The following LMBRD1 variants were observed in gnomAD, a reference collection of about 807,000 sequenced individuals.
LMBRD1 encodes the protein LMBR1 domain containing 1, also known as lysosomal cobalamin transport escort protein LMBD1.
In LMBRD1, 64 loss-of-function variants were observed where a neutral mutation model predicts 74.8. That is an observed-to-expected ratio of 0.86 (90% CI 0.70 to 1.05). The LOEUF (loss-of-function observed/expected upper bound fraction) is 1.05. Among genes scored for constraint, LMBRD1 ranks in the 50% least tolerant of loss-of-function variants. The pLI, the probability that LMBRD1 is intolerant of heterozygous loss-of-function variation, is 0.00. For synonymous variants in LMBRD1, 204 were observed against 216.3 expected (o/e 0.94, Z 0.50); for missense variants, 652 against 645.9 (o/e 1.01, Z -0.10).
intron 3 of LMBRD1, among the ~76,000 whole-genome samples, chr6:69,752,811 T>C (rs1765189695): frequency 6.6e-6 from 1 of 152,224 alleles, no homozygotes; most frequent in Admixed American, 6.5e-5. Flanking sequence ...TTCTTTGTGA[T>C]ATAAATAATT....
intron 3 of LMBRD1, among the ~76,000 whole-genome samples, chr6:69,766,890 A>G (rs1443506662): frequency 2.0e-5 from 3 of 151,800 alleles, no homozygotes; most frequent in Admixed American, 6.6e-5. Flanking sequence ...AAATAATTCA[A>G]CTTCTATGCT....
chr6:69,769,550 T>A (rs1294386594), intron 3 of LMBRD1, among the ~76,000 whole-genome samples: 1 of 152,148 alleles, frequency 6.6e-6, no homozygotes, highest in Non-Finnish European at 1.5e-5. Flanking sequence ...TTTCTTTGCA[T>A]ATTTTATAAT....
intron 8 of LMBRD1, among the ~76,000 whole-genome samples, chr6:69,718,379 G>T (rs1440661241): frequency 6.6e-6 from 1 of 152,128 alleles, no homozygotes; most frequent in Non-Finnish European, 1.5e-5. Flanking sequence ...TTAGAACAAT[G>T]ATAGAAATTC....
At chr6:69,704,770 A>G (rs1180224275) in intron 9 of LMBRD1, among the ~76,000 whole-genome samples, 2 of 152,152 alleles carry the variant, frequency 1.3e-5, no homozygotes, top group African/African-American at 2.4e-5. Flanking sequence ...CTGCAAATGC[A>G]GAATCTGCAG....
At chr6:69,717,502 T>C (rs1232213661) in intron 8 of LMBRD1, among the ~76,000 whole-genome samples, 1 of 152,186 alleles carries the variant, frequency 6.6e-6, no homozygotes, top group Non-Finnish European at 1.5e-5. Context: ...TTTAAAAAAA[T>C]GTAACTACAA....
At chr6:69,735,761 T>C (rs1345661406) in intron 7 of LMBRD1, among the ~76,000 whole-genome samples, 1 of 152,176 alleles carries the variant, frequency 6.6e-6, no homozygotes, top group Non-Finnish European at 1.5e-5. Flanking sequence ...GCCCATGCCT[T>C]TTCCATTTAA....
chr6:69,747,946 C>T (rs1303432685), intron 5 of LMBRD1, among the ~76,000 whole-genome samples: 1 of 152,152 alleles, frequency 6.6e-6, no homozygotes, highest in Non-Finnish European at 1.5e-5. Context: ...CAAATATTTA[C>T]GTATGATAAT....
chr6:69,711,916 C>T (rs1304827604), intron 9 of LMBRD1, among the ~76,000 whole-genome samples: 2 of 151,972 alleles, frequency 1.3e-5, no homozygotes, highest in East Asian at 3.9e-4. Flanking sequence ...GGTTGTTGTA[C>T]AGATTATTTC....
intron 13 of LMBRD1, among the ~76,000 whole-genome samples, chr6:69,698,264 C>T (rs961515239): frequency 6.6e-6 from 1 of 151,688 alleles, no homozygotes; most frequent in Non-Finnish European, 1.5e-5. Context: ...TTGATAGGTT[C>T]GTTAGATTTT....
At chr6:69,706,040 A>C (rs1280488447) in intron 9 of LMBRD1, 2 of 738,862 alleles carry the variant, frequency 2.7e-6, no homozygotes, top group Non-Finnish European at 4.9e-6. Context: ...AAAGATAACT[A>C]GTGCTCATTT....
At chr6:69,780,381 C>T (rs1765804173) in intron 3 of LMBRD1, 113 bp downstream of exon 3, 2 of 786,388 alleles carry the variant, frequency 2.5e-6, no homozygotes, top group Admixed American at 1.8e-5. Flanking sequence ...GTGTCCATGT[C>T]ATTTTTTTCT....
chr6:69,749,505 T>C, intron 4 of LMBRD1, 97 bp from the exon 5 acceptor site: 2 of 899,760 alleles, frequency 2.2e-6, no homozygotes, highest in Non-Finnish European at 3.6e-6. Flanking sequence ...ATCAGATACA[T>C]GCTTACACTC....
At chr6:69,724,053 A>G in intron 7 of LMBRD1, among the ~76,000 whole-genome samples, 1 of 152,018 alleles carries the variant, frequency 6.6e-6, no homozygotes. Flanking sequence ...ATTGGAAAAT[A>G]TAAAAGAAAT....
intron 2 of LMBRD1, among the ~76,000 whole-genome samples, chr6:69,785,547 T>C (rs975952977): frequency 6.6e-6 from 1 of 152,192 alleles, no homozygotes; most frequent in African/African-American, 2.4e-5. Context: ...TCCCTATTTC[T>C]CTAAGGTATA....
At chr6:69,777,428 G>A (rs1765728280) in intron 3 of LMBRD1, among the ~76,000 whole-genome samples, 2 of 141,338 alleles carry the variant, frequency 1.4e-5, no homozygotes, top group Non-Finnish European at 3.0e-5. Flanking sequence ...CTGCGCAACA[G>A]AGCAAGACTC....
intron 2 of LMBRD1, among the ~76,000 whole-genome samples, chr6:69,783,187 T>G (rs557614628): frequency 2.0e-5 from 3 of 152,138 alleles, no homozygotes; most frequent in South Asian, 2.1e-4. Context: ...AAAGAAAATG[T>G]AAGTAGCGCT....
intron 3 of LMBRD1, among the ~76,000 whole-genome samples, chr6:69,768,547 C>A (rs553341378): frequency 6.6e-6 from 1 of 151,984 alleles, no homozygotes; most frequent in East Asian, 1.9e-4. Flanking sequence ...ATATTATAAA[C>A]CCTAAACCCA....
At position 69,680,375 on chromosome 6, in the gene LMBRD1, G is replaced by C. The variant is rs372763902; in HGVS notation, c.1418-3834C>G. ...CATACTTATGATATTTTGGGAGTCA[G>C]AACTTGACAAAATTAGAAATTTCAG... On this transcript the variant is annotated intron_variant, in intron 14 of 15. Transcript: ENST00000649934. Among the ~76,000 whole-genome samples the C allele has an allele frequency of 2.0e-5, 3 of 152,192 alleles. No individual in the cohort carries two copies. In the East Asian group the frequency reaches 5.8e-4, roughly 29 times the overall value.
chr6:69,740,637 C>T (rs1228594301), intron 6 of LMBRD1, among the ~76,000 whole-genome samples: 1 of 152,140 alleles, frequency 6.6e-6, no homozygotes, highest in Non-Finnish European at 1.5e-5. Flanking sequence ...ACTCATACAG[C>T]AGACTGCAAG....
Sources: allele counts gnomAD v4.1 joint callset (sites outside exome capture counted in the v4.1 genomes callset), GRCh38; gene constraint gnomAD v4.1.1; transcripts MANE v1.5; gene names NCBI Gene and HGNC (gene_info 2026-07-23, HGNC 2026-07-21).